PPARD: variants seen among roughly 807,000 people sequenced by gnomAD.
The protein encoded by PPARD is peroxisome proliferator-activated receptor delta.
Under a neutral mutation model 39.5 loss-of-function variants are expected in PPARD, and 6 were observed. The observed-to-expected ratio is 0.15, with a 90% confidence interval of 0.08 to 0.30. The LOEUF (loss-of-function observed/expected upper bound fraction) is 0.30, where lower values mean the gene tolerates loss of function less well. PPARD is among the 10% of genes least tolerant of loss of function. The pLI is 1.00. For missense variants in PPARD, 397 were observed against 596.8 expected, an observed-to-expected ratio of 0.67 and a Z score of 3.49; for synonymous variants, 210 against 231.3, an observed-to-expected ratio of 0.91 and a Z score of 0.83.
At position 35,427,000 on chromosome 6, in the gene PPARD, T is replaced by G. The variant is rs1364455823; in HGVS notation, c.*921T>G. ...CAAGAGAAGGAGGGGGGATTGGTGG[T>G]TGGAGGAAGCAGCACACCCAATTCT... On this transcript the variant is annotated 3_prime_UTR_variant, in exon 8 of 8. Coordinates refer to ENST00000360694, the MANE Select transcript of PPARD (RefSeq NM_006238.5). 2.0e-5 allele frequency: 3 copies of G among 152,320 alleles called. No individual in the cohort carries two copies. Among genetic ancestry groups the G allele is most frequent in the African/African-American group, 7.2e-5 (3 of 41,424 alleles). The allele number at this position is 152,320 out of a possible 1,614,324, so 9.4% of individuals were successfully genotyped here.
chr6:35,388,350 C>T (rs940518959), intron 2 of PPARD, among the ~76,000 whole-genome samples: 1 of 152,122 alleles, frequency 6.6e-6, no homozygotes, highest in African/African-American at 2.4e-5. Context: ...TGGTGGGCAG[C>T]ACGTGCCGCG....
At chr6:35,422,751 C>G (rs1766261132) in intron 5 of PPARD, among the ~76,000 whole-genome samples, 1 of 152,132 alleles carries the variant, frequency 6.6e-6, no homozygotes, top group African/African-American at 2.4e-5. Flanking sequence ...CTTAGGAAAT[C>G]TCGGAACTGA....
chr6:35,364,392 T>C (rs1762075234), intron 2 of PPARD, among the ~76,000 whole-genome samples: 1 of 152,154 alleles, frequency 6.6e-6, no homozygotes. Flanking sequence ...GGGAATATAC[T>C]TAGTGAAATT....
At chr6:35,409,378 AC>A (rs925324058) in intron 2 of PPARD, among the ~76,000 whole-genome samples, 38 of 151,870 alleles carry the variant, frequency 2.5e-4, no homozygotes, top group African/African-American at 8.9e-4. Context: ...GGTAGTGCAC[AC>A]CTGTGGTCCC....
At chr6:35,352,100 C>T (rs1761292880) in intron 2 of PPARD, among the ~76,000 whole-genome samples, 1 of 151,868 alleles carries the variant, frequency 6.6e-6, no homozygotes, top group African/African-American at 2.4e-5. Context: ...AACTCCTGAG[C>T]TCGAGCCATT....
intron 2 of PPARD, among the ~76,000 whole-genome samples, chr6:35,377,870 T>A (rs982959808): frequency 2.2e-5 from 3 of 138,892 alleles, no homozygotes; most frequent in Admixed American, 1.4e-4. Flanking sequence ...TGTTTACGTA[T>A]CTTTTTTTTT....
chr6:35,393,860 A>G (rs894698707), intron 2 of PPARD, among the ~76,000 whole-genome samples: 5 of 152,158 alleles, frequency 3.3e-5, no homozygotes, highest in Non-Finnish European at 7.3e-5. Context: ...CTAGGCATGC[A>G]CTTGGAAAGG....
intron 2 of PPARD, among the ~76,000 whole-genome samples, chr6:35,390,229 C>T (rs1359971150): frequency 3.3e-5 from 5 of 152,226 alleles, no homozygotes; most frequent in Admixed American, 6.5e-5. Context: ...TGGAATATTT[C>T]TTCCTCCACA....
chr6:35,407,622 CTGCACATTG>C (rs1765140738), intron 2 of PPARD, among the ~76,000 whole-genome samples: 1 of 151,528 alleles, frequency 6.6e-6, no homozygotes. Context: ...GGTAACTAAC[CTGCACATTG>C]TGCACATGTA....
intron 2 of PPARD, among the ~76,000 whole-genome samples, chr6:35,379,280 T>A (rs1762998802): frequency 6.6e-6 from 1 of 151,902 alleles, no homozygotes; most frequent in Non-Finnish European, 1.5e-5. Context: ...ATTTTTGTAT[T>A]TTTAGTAGAG....
chr6:35,385,641 A>T (rs1378382950), intron 2 of PPARD, among the ~76,000 whole-genome samples: 3 of 82,644 alleles, frequency 3.6e-5, no homozygotes, highest in African/African-American at 1.7e-4. Context: ...AAAAATAAAT[A>T]AATTTAAAAA....
At chr6:35,384,804 C>A (rs1763486173) in intron 2 of PPARD, among the ~76,000 whole-genome samples, 1 of 52,670 alleles carries the variant, frequency 1.9e-5, no homozygotes. Flanking sequence ...TCAGGCCCCG[C>A]CCGGCCAGCC....
intron 2 of PPARD, among the ~76,000 whole-genome samples, chr6:35,398,145 T>C (rs1033454464): frequency 6.6e-6 from 1 of 152,092 alleles, no homozygotes; most frequent in Non-Finnish European, 1.5e-5. Flanking sequence ...CAGGAAGGAT[T>C]TGATCACAGG....
intron 2 of PPARD, among the ~76,000 whole-genome samples, chr6:35,402,926 G>A (rs368633111): frequency 8.5e-5 from 13 of 152,302 alleles, no homozygotes; most frequent in Non-Finnish European, 1.5e-5. Flanking sequence ...CCACGGAGAC[G>A]GGGCAACCTC....
intron 2 of PPARD, among the ~76,000 whole-genome samples, chr6:35,384,072 G>T (rs1215401954): frequency 1.4e-5 from 2 of 146,670 alleles, no homozygotes; most frequent in Non-Finnish European, 3.0e-5. Flanking sequence ...CAGCCGCCCC[G>T]TCCGGGAGGG....
intron 2 of PPARD, among the ~76,000 whole-genome samples, chr6:35,385,646 T>TAAAAAAAAAAAAAA (rs66948740): frequency 1.0e-5 from 1 of 96,562 alleles, no homozygotes; most frequent in African/African-American, 6.9e-5. Flanking sequence ...TAAATAAATT[T>TAAAAAAAAAAAAAA]AAAAAAAAAA....
intron 2 of PPARD, among the ~76,000 whole-genome samples, chr6:35,383,852 A>G (rs1242628369): frequency 7.4e-6 from 1 of 134,640 alleles, no homozygotes; most frequent in African/African-American, 3.0e-5. Flanking sequence ...CGTCTGAGAA[A>G]TGAGGAGCCT....
At chr6:35,362,619 C>A (rs1761987576) in intron 2 of PPARD, among the ~76,000 whole-genome samples, 1 of 152,050 alleles carries the variant, frequency 6.6e-6, no homozygotes, top group African/African-American at 2.4e-5. Flanking sequence ...GGAAGAGCAA[C>A]TGAGAGGAGG....
At chr6:35,368,180 C>T (rs1484159221) in intron 2 of PPARD, among the ~76,000 whole-genome samples, 1 of 152,182 alleles carries the variant, frequency 6.6e-6, no homozygotes, top group East Asian at 1.9e-4. Flanking sequence ...AGATGAGCAT[C>T]CAAGATCACT....
Sources: allele counts gnomAD v4.1 joint callset (sites outside exome capture counted in the v4.1 genomes callset), GRCh38; gene constraint gnomAD v4.1.1; transcripts MANE v1.5; gene names NCBI Gene and HGNC (gene_info 2026-07-23, HGNC 2026-07-21).